Variants in TPH1 observed in about 807,000 individuals in gnomAD.
TPH1 encodes tryptophan hydroxylase 1.
A neutral mutation model predicts 49.5 loss-of-function variants in TPH1; 37 were observed. The observed-to-expected ratio is 0.75, with a 90% CI of 0.58 to 0.98. The LOEUF (loss-of-function observed/expected upper bound fraction) is 0.98, where lower values mean the gene tolerates loss of function less well. TPH1 is among the 50% of genes least tolerant of loss of function. The pLI is 0.00. For missense variants in TPH1, 487 were observed against 523.6 expected, an observed-to-expected ratio of 0.93 and a Z score of 0.68; for synonymous variants, 160 against 182.1, an observed-to-expected ratio of 0.88 and a Z score of 0.98.
In TPH1 at chr11:18,036,021, A is replaced by G; in HGVS notation, c.239T>C (p.Leu80Pro). Residue 80 changes from leucine to proline, a missense_variant, in exon 3 of 11, where the codon CTG becomes CCG. By Grantham distance (98) the Leu-to-Pro change is moderately conservative (BLOSUM62 -3). Coordinates refer to ENST00000682019, the MANE Select transcript of TPH1 (RefSeq NM_004179.3). ...REQLNDIFHL[L>P]KSHTNVLSVN... ...AGAGAGAACATTGGTATGAGACTTCAGCAGATGAAAAATATCATTCAATTG... is the reference window on the plus strand; with the variant it reads ...AGAGAGAACATTGGTATGAGACTTCGGCAGATGAAAAATATCATTCAATTG... 6.2e-7 allele frequency: 1 copy of G among 1,612,830 alleles called. No individual in the cohort carries two copies. Among genetic ancestry groups the G allele is most frequent in the Non-Finnish European group, 8.5e-7 (1 of 1,179,876 alleles).
intron 1 of TPH1, among the ~76,000 whole-genome samples, chr11:18,044,598 T>C (rs1234081423): frequency 1.3e-5 from 2 of 151,830 alleles, no homozygotes; most frequent in Non-Finnish European, 2.9e-5. Flanking sequence ...TTACTAAAAC[T>C]TGGCCATAAC....
intron 4 of TPH1, among the ~76,000 whole-genome samples, chr11:18,030,088 G>T (rs954991016): frequency 2.6e-5 from 4 of 152,024 alleles, no homozygotes; most frequent in African/African-American, 9.7e-5. Context: ...AGTAACATTA[G>T]AATTTATACT....
intron 10 of TPH1, 28 bp from the exon 11 acceptor site, chr11:18,021,193 T>A (rs1211742446): frequency 6.2e-7 from 1 of 1,604,272 alleles, no homozygotes; most frequent in South Asian, 1.1e-5. Flanking sequence ...TAGGAGACAA[T>A]CAATTTCTAG....
intron 1 of TPH1, chr11:18,041,424 T>C (rs2134035734): frequency 6.6e-6 from 1 of 152,452 alleles, no homozygotes; most frequent in South Asian, 2.1e-4. Context: ...ATGTGGAATG[T>C]GAAGTCAGAC....
At chr11:18,046,083 C>A (rs1426203323) in intron 1 of TPH1, among the ~76,000 whole-genome samples, 158 bp downstream of exon 1, 1 of 152,184 alleles carries the variant, frequency 6.6e-6, no homozygotes, top group African/African-American at 2.4e-5. Flanking sequence ...GAATAGTAAG[C>A]GTTTATAGGG....
chr11:18,036,216 T>C, intron 2 of TPH1, 74 bp from the exon 3 acceptor site: 1 of 1,167,962 alleles, frequency 8.6e-7, no homozygotes, highest in Non-Finnish European at 1.3e-6. Flanking sequence ...GCTACTTTAA[T>C]TACCACTAAA....
At chr11:18,030,435 A>G (rs1590263439) in intron 4 of TPH1, among the ~76,000 whole-genome samples, 1 of 151,732 alleles carries the variant, frequency 6.6e-6, no homozygotes, top group African/African-American at 2.4e-5. Context: ...AAAAAAAAAA[A>G]TCAAAAATCA....
chr11:18,022,715 G>C lies in TPH1; in HGVS notation c.1160+83C>G, dbSNP rs1225857772. The C allele has an allele frequency of 8.0e-6, 12 of 1,498,846 alleles. No individual in the cohort carries two copies. The African/African-American group carries it at 1.5e-4, about 19-fold the overall frequency. 92.8% of individuals were successfully genotyped at this position (1,498,846 alleles called of 1,614,324 possible). A position where few individuals can be genotyped will look rare whatever the true frequency, so the allele number is the denominator to read the frequency against. On this transcript the variant is annotated intron_variant, in intron 10 of 10. Transcript: ENST00000682019. ...CTCCTTGTGGGCTTCAAATTATCTAGCTGCTTACTTCTGTGACTTGTTACC... is the reference window on the plus strand; with the variant it reads ...CTCCTTGTGGGCTTCAAATTATCTACCTGCTTACTTCTGTGACTTGTTACC...
At chr11:18,029,742 A>G (rs1297254262) in intron 4 of TPH1, among the ~76,000 whole-genome samples, 163 bp from the exon 5 acceptor site, 1 of 152,196 alleles carries the variant, frequency 6.6e-6, no homozygotes, top group Non-Finnish European at 1.5e-5. Context: ...TTTATTTTAA[A>G]GTCAATGTTA....
chr11:18,021,391 A>G (rs61476554), intron 10 of TPH1, among the ~76,000 whole-genome samples: 4,082 of 152,310 alleles, frequency 0.027, 153 homozygotes, highest in African/African-American at 0.093. Flanking sequence ...AGTACTTTAC[A>G]TTATAAAGTA....
At chr11:18,038,699 GATGGAGCAAAACA>G (rs1167289810) in intron 2 of TPH1, among the ~76,000 whole-genome samples, 1 of 152,172 alleles carries the variant, frequency 6.6e-6, no homozygotes, top group African/African-American at 2.4e-5. Flanking sequence ...AATGAAGAGA[GATGGAGCAAAACA>G]CTACTTTTTT....
At position 18,029,504 on chromosome 11, in the gene TPH1, A is replaced by G. The variant is rs1171175678; in HGVS notation, c.470+8T>C. 1.2e-6 allele frequency: 2 copies of G among 1,604,988 alleles called. No individual in the cohort carries two copies. Among genetic ancestry groups the G allele is most frequent in the Non-Finnish European group, 1.7e-6 (2 of 1,172,892 alleles). Reference sequence around the variant, plus strand: ...CAAAGTTGACTATATTTTTTTAAATATACTTACTGTTTATAGTTCATAGCC... The same window carrying G: ...CAAAGTTGACTATATTTTTTTAAATGTACTTACTGTTTATAGTTCATAGCC... On this transcript the variant is annotated splice_region_variant and intron_variant, in intron 5 of 10. Transcript: ENST00000682019.
At chr11:18,030,004 C>T (rs185732152) in intron 4 of TPH1, among the ~76,000 whole-genome samples, 2 of 152,106 alleles carry the variant, frequency 1.3e-5, no homozygotes, top group African/African-American at 4.8e-5. Context: ...TGAATCTAGC[C>T]TTAGATTTTA....
Position 18,020,924 on chromosome 11 carries a change from A to G in TPH1, c.*67T>C. On this transcript the variant is annotated 3_prime_UTR_variant, in exon 11 of 11. Transcript: ENST00000682019. ...GCTGTCCCTCCAGGATCAGGTGTTCAAGGAAAGCAAGAGATGGCCCAGACC... is the reference window on the plus strand; with the variant it reads ...GCTGTCCCTCCAGGATCAGGTGTTCGAGGAAAGCAAGAGATGGCCCAGACC... 2 of 1,496,760 alleles carry G rather than the reference A, an allele frequency of 1.3e-6. No homozygotes were observed. Among genetic ancestry groups the G allele is most frequent in the Non-Finnish European group, 9.3e-7 (1 of 1,073,520 alleles). 92.7% of individuals were successfully genotyped at this position (1,496,760 alleles called of 1,614,324 possible).
intron 9 of TPH1, 39 bp from the exon 10 acceptor site, chr11:18,022,970 T>TG (rs770539479): frequency 1.5e-5 from 24 of 1,608,198 alleles, no homozygotes; most frequent in Non-Finnish European, 2.0e-5. Context: ...GAATAATATC[T>TG]ATTTTTCATA....
Position 18,019,681 on chromosome 11 carries a change from A to G in TPH1, c.*1310T>C, listed in dbSNP as rs1379061260. ...TCTGGGTGACATTCCCCATGAAGAG[A>G]TGGCAAAAAGAGTAGAAGTGCAAAG... On this transcript the variant is annotated 3_prime_UTR_variant, in exon 11 of 11. Transcript: ENST00000682019. 4.3e-6 allele frequency: 2 copies of G among 463,512 alleles called. No individual in the cohort carries two copies. The highest frequency in any genetic ancestry group is 2.0e-5 in the African/African-American group (1 of 50,588). 28.7% of individuals were successfully genotyped at this position (463,512 alleles called of 1,614,324 possible). A position where few individuals can be genotyped will look rare whatever the true frequency, so the allele number is the denominator to read the frequency against.
chr11:18,023,979 T>C lies in TPH1; in HGVS notation c.935A>G (p.Tyr312Cys), dbSNP rs1464851673. ...TAGACCAAACTCCACAGTGAAAAAG[T>C]AGCACTGCAAAAGAACATCAATATT... ...EEAVQKLATC[Y>C]FFTVEFGLCK... Residue 312 changes from tyrosine to cysteine, a missense_variant, in exon 9 of 11, where the codon TAC becomes TGC. Coordinates refer to ENST00000682019, the MANE Select transcript of TPH1 (RefSeq NM_004179.3). The C allele has an allele frequency of 1.9e-6, 3 of 1,609,034 alleles. No homozygotes were observed. The highest frequency in any genetic ancestry group is 1.1e-5 in the South Asian group (1 of 90,982).
intron 10 of TPH1, among the ~76,000 whole-genome samples, chr11:18,021,463 A>G (rs1243601567): frequency 2.0e-5 from 3 of 152,208 alleles, no homozygotes; most frequent in African/African-American, 7.2e-5. Flanking sequence ...ATCATTTATT[A>G]CTGTATACAT....
In TPH1 at chr11:18,023,876, T is replaced by G; in HGVS notation, c.1026+12A>C. ...GTGAATATGGTTATATACAAAGATTTGCAACTCTTACTTTGAGTTCACTGA... is the reference window on the plus strand; with the variant it reads ...GTGAATATGGTTATATACAAAGATTGGCAACTCTTACTTTGAGTTCACTGA... On this transcript the variant is annotated intron_variant, in intron 9 of 10. Transcript: ENST00000682019. The G allele has an allele frequency of 6.2e-7, 1 of 1,601,826 alleles. No individual in the cohort carries two copies. The highest frequency in any genetic ancestry group is 8.6e-7 in the Non-Finnish European group (1 of 1,169,468).
Sources: allele counts gnomAD v4.1 joint callset (sites outside exome capture counted in the v4.1 genomes callset), GRCh38; gene constraint gnomAD v4.1.1; transcripts MANE v1.5; gene names NCBI Gene and HGNC (gene_info 2026-07-23, HGNC 2026-07-21).